SLC25A13: variants seen among roughly 807,000 people sequenced by gnomAD.
SLC25A13 encodes electrogenic aspartate/glutamate antiporter SLC25A13, mitochondrial.
A neutral mutation model predicts 85.5 loss-of-function variants in SLC25A13; 70 were observed. The observed-to-expected ratio is 0.82, with a 90% CI of 0.68 to 1.00. The LOEUF (loss-of-function observed/expected upper bound fraction) is 1.00, where lower values mean the gene tolerates loss of function less well. Among genes scored for constraint, SLC25A13 ranks in the 50% least tolerant of loss-of-function variants. The probability of loss-of-function intolerance (pLI) is 0.00; values close to 1 mark genes in which losing one functional copy is unlikely to be tolerated. For missense variants in SLC25A13, 765 were observed against 819.8 expected, an observed-to-expected ratio of 0.93 and a Z score of 0.82; for synonymous variants, 259 against 288.7, an observed-to-expected ratio of 0.90 and a Z score of 1.04.
At chr7:96,177,570 T>C (rs1266217122) in intron 11 of SLC25A13, among the ~76,000 whole-genome samples, 2 of 152,172 alleles carry the variant, frequency 1.3e-5, no homozygotes, top group Non-Finnish European at 2.9e-5. Context: ...TCCACATCTG[T>C]AGAATGGGAA....
At chr7:96,307,023 T>G in intron 1 of SLC25A13, 1 of 770,646 alleles carries the variant, frequency 1.3e-6, no homozygotes. Context: ...CCTTTTGTAC[T>G]TCCTTCCCCT....
intron 3 of SLC25A13, among the ~76,000 whole-genome samples, chr7:96,276,988 C>T (rs934408180): frequency 1.3e-5 from 2 of 152,022 alleles, no homozygotes; most frequent in Admixed American, 1.3e-4. Flanking sequence ...TTAAAAGAGT[C>T]AAATATATAC....
intron 4 of SLC25A13, 87 bp downstream of exon 4, chr7:96,234,715 A>G (rs766032232): frequency 3.8e-5 from 37 of 979,496 alleles, no homozygotes; most frequent in Non-Finnish European, 5.8e-5. Context: ...ATTTCCATAC[A>G]CTTTATTTTG....
intron 3 of SLC25A13, among the ~76,000 whole-genome samples, chr7:96,253,085 C>T (rs533983625): frequency 6.6e-6 from 1 of 152,200 alleles, no homozygotes; most frequent in South Asian, 2.1e-4. Flanking sequence ...CAGAGCAAGG[C>T]TCCATCTCAA....
At chr7:96,246,923 G>C (rs1797212503) in intron 3 of SLC25A13, among the ~76,000 whole-genome samples, 1 of 152,172 alleles carries the variant, frequency 6.6e-6, no homozygotes, top group Non-Finnish European at 1.5e-5. Flanking sequence ...AATTAAACCA[G>C]CTATTTTCTT....
At chr7:96,162,541 A>T (rs1341343196) in intron 13 of SLC25A13, among the ~76,000 whole-genome samples, 2 of 152,194 alleles carry the variant, frequency 1.3e-5, no homozygotes, top group Non-Finnish European at 2.9e-5. Context: ...GAGGTTTGCC[A>T]ATCAGATTTC....
At chr7:96,122,570 G>T (rs1366883400) in intron 15 of SLC25A13, among the ~76,000 whole-genome samples, 1 of 152,104 alleles carries the variant, frequency 6.6e-6, no homozygotes, top group Non-Finnish European at 1.5e-5. Flanking sequence ...TGGGGGGTGG[G>T]AGGTGGAGGT....
chr7:96,282,160 T>C (rs1305302051), intron 2 of SLC25A13, among the ~76,000 whole-genome samples: 1 of 152,216 alleles, frequency 6.6e-6, no homozygotes, highest in Non-Finnish European at 1.5e-5. Flanking sequence ...GGAAGAGTTT[T>C]AGGATTCCTC....
chr7:96,167,932 T>C (rs993793278), intron 13 of SLC25A13, among the ~76,000 whole-genome samples: 7 of 151,378 alleles, frequency 4.6e-5, no homozygotes, highest in African/African-American at 1.5e-4. Flanking sequence ...ACCTAGTCTC[T>C]ACTAAAAATG....
intron 11 of SLC25A13, among the ~76,000 whole-genome samples, chr7:96,172,374 A>G (rs1794038614): frequency 6.6e-6 from 1 of 152,054 alleles, no homozygotes; most frequent in Non-Finnish European, 1.5e-5. Flanking sequence ...CCTGACCAAC[A>G]AGGTGAAACC....
At chr7:96,160,987 T>G (rs906749881) in intron 13 of SLC25A13, among the ~76,000 whole-genome samples, 3 of 152,034 alleles carry the variant, frequency 2.0e-5, no homozygotes, top group Non-Finnish European at 4.4e-5. Context: ...TTTTTTTTTT[T>G]TTTTGGCTAT....
Position 96,178,636 on chromosome 7 carries a change from C to T in SLC25A13, c.1177+5641G>A, listed in dbSNP as rs139508692. On this transcript the variant is annotated intron_variant, in intron 11 of 17. Coordinates refer to ENST00000265631, the MANE Select transcript of SLC25A13 (RefSeq NM_014251.3). ...CCAGAACACTTGTCCCTATCTTCCCCGAGAAACCCCTTTGCTTTCAACATC... is the reference window on the plus strand; with the variant it reads ...CCAGAACACTTGTCCCTATCTTCCCTGAGAAACCCCTTTGCTTTCAACATC... 3.2e-3 allele frequency among the ~76,000 whole-genome samples: 491 copies of T among 152,218 alleles called. 3 individuals carry two copies. The highest frequency in any genetic ancestry group is 0.011 in the African/African-American group (469 of 41,544).
At chr7:96,256,305 G>C (rs536151928) in intron 3 of SLC25A13, among the ~76,000 whole-genome samples, 17 of 152,238 alleles carry the variant, frequency 1.1e-4, no homozygotes, top group Non-Finnish European at 2.4e-4. Flanking sequence ...ACCCGTCGGT[G>C]TGCTATATTC....
At chr7:96,239,374 A>G (rs1270808889) in intron 3 of SLC25A13, among the ~76,000 whole-genome samples, 1 of 150,406 alleles carries the variant, frequency 6.6e-6, no homozygotes, top group Non-Finnish European at 1.5e-5. Context: ...TTATATATAT[A>G]TATGTATATA....
At chr7:96,224,522 A>C (rs954712089) in intron 4 of SLC25A13, among the ~76,000 whole-genome samples, 7 of 151,860 alleles carry the variant, frequency 4.6e-5, no homozygotes, top group African/African-American at 7.3e-5. Flanking sequence ...ACCCTTCCCT[A>C]TCGTCCTGTG....
chr7:96,239,262 G>C (rs927516548), intron 3 of SLC25A13, among the ~76,000 whole-genome samples: 3 of 149,444 alleles, frequency 2.0e-5, no homozygotes, highest in Non-Finnish European at 4.4e-5. Flanking sequence ...ATGTATTATT[G>C]TTCACCAAGA....
intron 3 of SLC25A13, among the ~76,000 whole-genome samples, chr7:96,274,265 T>G (rs1458095808): frequency 4.6e-5 from 7 of 152,188 alleles, no homozygotes; most frequent in Non-Finnish European, 8.8e-5. Flanking sequence ...CCAGTGATGA[T>G]GAGTATTTTT....
intron 1 of SLC25A13, among the ~76,000 whole-genome samples, chr7:96,320,744 G>A (rs1384578042): frequency 6.6e-6 from 1 of 152,200 alleles, no homozygotes; most frequent in East Asian, 1.9e-4. Flanking sequence ...TTAGACCACA[G>A]AAACTAACAA....
chr7:96,218,345 A>G (rs1033215973), intron 4 of SLC25A13, among the ~76,000 whole-genome samples: 5 of 152,198 alleles, frequency 3.3e-5, no homozygotes, highest in African/African-American at 4.8e-5. Context: ...TAAAATTAAG[A>G]AAGATTAAGA....
Sources: gnomAD v4.1 joint callset for allele counts (sites outside exome capture counted in the v4.1 genomes callset) on GRCh38, gnomAD v4.1.1 for gene constraint, MANE v1.5 for transcripts, NCBI Gene and HGNC (gene_info 2026-07-23, HGNC 2026-07-21) for gene names.